The following ANKRD11 variants were observed in gnomAD, a reference collection of about 807,000 sequenced individuals.
The protein encoded by ANKRD11 is ankyrin repeat domain-containing protein 11.
A neutral mutation model predicts 195.7 loss-of-function variants in ANKRD11; 17 were observed. That is an observed-to-expected ratio of 0.09 (90% confidence interval 0.06 to 0.13). ANKRD11 has a LOEUF of 0.13. Among genes scored for constraint, ANKRD11 ranks in the 10% least tolerant of loss-of-function variants. The probability of loss-of-function intolerance (pLI) is 1.00; values close to 1 mark genes in which losing one functional copy is unlikely to be tolerated. For missense variants in ANKRD11, 3,735 were observed against 3,566.1 expected (o/e 1.05, Z -1.21); for synonymous variants, 1,953 against 1,528.1 (o/e 1.28, Z -6.49).
rs1012522032 is a variant in ANKRD11, at chr16:89,445,080, G to T, written c.-144-26712C>A. 7.2e-5 allele frequency among the ~76,000 whole-genome samples: 11 copies of T among 152,336 alleles called. No individual in the cohort carries two copies. The East Asian group carries it at 2.1e-3, about 29-fold the overall frequency. On this transcript the variant is annotated intron_variant, in intron 1 of 12. Transcript: ENST00000301030. ...ATCCAGGTGTGCTGGCCCCTTGGGT[G>T]AGGGTGCCCAGGCACTCACCAACTG...
chr16:89,452,631 G>A (rs1039589234), intron 1 of ANKRD11, among the ~76,000 whole-genome samples: 3 of 151,866 alleles, frequency 2.0e-5, no homozygotes, highest in Non-Finnish European at 4.4e-5. Flanking sequence ...ACAAAAATTA[G>A]CCGAGTGTGG....
intron 9 of ANKRD11, among the ~76,000 whole-genome samples, chr16:89,276,356 C>A (rs2033649823): frequency 6.6e-6 from 1 of 152,194 alleles, no homozygotes; most frequent in Non-Finnish European, 1.5e-5. Context: ...GGACAATGGG[C>A]TGAGAGAAAC....
chr16:89,450,591 T>C (rs1457362918), intron 1 of ANKRD11, among the ~76,000 whole-genome samples: 2 of 152,196 alleles, frequency 1.3e-5, no homozygotes, highest in East Asian at 3.8e-4. Context: ...GCCTTTCTTG[T>C]GATTATCATT....
chr16:89,279,843 C>A lies in ANKRD11; in HGVS notation c.6699G>T (p.Gly2233=). 4 of 1,549,500 alleles carry A rather than the reference C, an allele frequency of 2.6e-6. No homozygotes were observed. The highest frequency in any genetic ancestry group is 3.5e-6 in the Non-Finnish European group (4 of 1,148,986). Residue 2233 remains glycine (G), a synonymous_variant, in exon 9 of 13, where the codon GGG becomes GGT. Coordinates refer to ENST00000301030, the MANE Select transcript of ANKRD11 (RefSeq NM_013275.6). This position sits in a 1 kb window ranked among gnomAD's most constrained non-coding sequence, Gnocchi z 5.6. ...CGGGCTCCACGCTGGAGTCCGGATCCCCACGGGCCCTCTCTTCCGGCACCG... is the reference window on the plus strand; with the variant it reads ...CGGGCTCCACGCTGGAGTCCGGATCACCACGGGCCCTCTCTTCCGGCACCG... ...AETVPEERAR[G]DPDSSVEPAP...
At chr16:89,301,879 G>A (rs1034979633) in intron 4 of ANKRD11, among the ~76,000 whole-genome samples, 2 of 152,176 alleles carry the variant, frequency 1.3e-5, no homozygotes, top group Non-Finnish European at 2.9e-5. Context: ...TCTGGGAGGC[G>A]GGAAGCCATC....
intron 2 of ANKRD11, among the ~76,000 whole-genome samples, chr16:89,385,884 C>T (rs1001581696): frequency 4.6e-5 from 7 of 152,242 alleles, no homozygotes; most frequent in Admixed American, 2.6e-4. Context: ...TGACCGTTCC[C>T]TCCGTAGGCA....
intron 1 of ANKRD11, among the ~76,000 whole-genome samples, chr16:89,439,306 A>C (rs1340249634): frequency 6.6e-6 from 1 of 152,238 alleles, no homozygotes; most frequent in Non-Finnish European, 1.5e-5. Context: ...TGAATATGTA[A>C]AAATTTAAAA....
At position 89,275,003 on chromosome 16, in the gene ANKRD11, C is replaced by T. The variant is rs369656239; in HGVS notation, c.7570-46G>A. 3 of 1,612,374 alleles carry T rather than the reference C, an allele frequency of 1.9e-6. No individual in the cohort carries two copies. In the African/African-American group the frequency reaches 4.0e-5, roughly 22 times the overall value. On this transcript the variant is annotated intron_variant, in intron 10 of 12. Transcript: ENST00000301030. ...AGTGAGCTGGGACACAGCCACGCTC[C>T]AGGCCCCACTGTCAACACGACAGCC... is the stretch of plus-strand genomic sequence containing the variant.
At position 89,279,746 on chromosome 16, in the gene ANKRD11, C is replaced by A; in HGVS notation, c.6796G>T (p.Ala2266Ser). The change falls in exon 9 of 13, where the codon GCG becomes TCG. Residue 2266 changes from alanine (A) to serine (S), a missense_variant. Transcript: ENST00000301030. This position sits in a 1 kb window ranked among gnomAD's most constrained non-coding sequence, Gnocchi z 5.6. ...GGGCCGTCAGGGGCACAGAGGGACG[C>A]GGCGGGGGGGCCTTCAGCCTCAGCC... ...QGAEAEGPPAASLCAPDGPAP... is the reference protein window; with the variant it reads ...QGAEAEGPPASSLCAPDGPAP... The A allele has an allele frequency of 6.6e-7, 1 of 1,525,710 alleles. No individual in the cohort carries two copies. The allele number at this position is 1,525,710 out of a possible 1,614,324, so 94.5% of individuals were successfully genotyped here. A position where few individuals can be genotyped will look rare whatever the true frequency, so the allele number is the denominator to read the frequency against.
Position 89,284,875 on chromosome 16 carries a change from GAAGAAATGGTTTTCC to G in ANKRD11, c.1652_1666del (p.Trp551_Ser555del), listed in dbSNP as rs780150752. On this transcript the variant is annotated inframe_deletion, in exon 9 of 13. Transcript: ENST00000301030. ...AGAACTGACCTCTGACCAAGCCGGGGAAGAAATGGTTTTCCAATTGTCTGTCCGCCAGTGCTTGGT... is the reference window on the plus strand; with the variant it reads ...AGAACTGACCTCTGACCAAGCCGGGGAATTGTCTGTCCGCCAGTGCTTGGT... 248 of 1,614,034 alleles carry G rather than the reference GAAGAAATGGTTTTCC, an allele frequency of 1.5e-4. No individual in the cohort carries two copies. Among genetic ancestry groups the G allele is most frequent in the Middle Eastern group, 5.0e-4 (3 of 6,036 alleles).
intron 7 of ANKRD11, chr16:89,287,966 C>CA: frequency 8.5e-6 from 4 of 469,676 alleles, no homozygotes; most frequent in South Asian, 1.0e-4. Context: ...CCCGCCGCAT[C>CA]TCCAGGCAGC....
At chr16:89,441,244 A>G (rs928532551) in intron 1 of ANKRD11, among the ~76,000 whole-genome samples, 1 of 152,000 alleles carries the variant, frequency 6.6e-6, no homozygotes, top group Non-Finnish European at 1.5e-5. Flanking sequence ...TCAAAAAAAA[A>G]AAAGTTTCCT....
chr16:89,444,433 C>T (rs1471801499), intron 1 of ANKRD11, among the ~76,000 whole-genome samples: 2 of 150,644 alleles, frequency 1.3e-5, no homozygotes, highest in South Asian at 2.1e-4. Context: ...AAAGCACTAA[C>T]GGCCTACTTT....
At chr16:89,393,912 G>A (rs1454763810) in intron 2 of ANKRD11, among the ~76,000 whole-genome samples, 1 of 152,190 alleles carries the variant, frequency 6.6e-6, no homozygotes, top group East Asian at 1.9e-4. Context: ...AAAAAGTCAC[G>A]AAGAAAGTGC....
chr16:89,426,860 A>G (rs2042738525), intron 1 of ANKRD11, among the ~76,000 whole-genome samples: 1 of 152,242 alleles, frequency 6.6e-6, no homozygotes, highest in Admixed American at 6.5e-5. Flanking sequence ...CTCCTACTCA[A>G]CAATCGCTTA....
At chr16:89,415,401 A>T (rs957991592) in intron 2 of ANKRD11, among the ~76,000 whole-genome samples, 1 of 148,650 alleles carries the variant, frequency 6.7e-6, no homozygotes, top group Non-Finnish European at 1.5e-5. Context: ...AGTAGCTGGG[A>T]CTACAGGCGC....
At chr16:89,277,028 C>T (rs1295043582) in intron 9 of ANKRD11, among the ~76,000 whole-genome samples, 1 of 149,900 alleles carries the variant, frequency 6.7e-6, no homozygotes, top group Non-Finnish European at 1.5e-5. Context: ...TGCACTCCAG[C>T]CTGGGTGACA....
chr16:89,352,377 C>A (rs1277284296), intron 2 of ANKRD11, among the ~76,000 whole-genome samples: 1 of 151,476 alleles, frequency 6.6e-6, no homozygotes, highest in African/African-American at 2.4e-5. Flanking sequence ...CAAGGCAGCC[C>A]CCCAAGAAAA....
At chr16:89,441,512 A>C (rs866060113) in intron 1 of ANKRD11, among the ~76,000 whole-genome samples, 2 of 152,144 alleles carry the variant, frequency 1.3e-5, no homozygotes, top group Admixed American at 6.5e-5. Context: ...TCACGCCTGT[A>C]ATCCCAGCAC....
Sources: allele counts gnomAD v4.1 joint callset (sites outside exome capture counted in the v4.1 genomes callset), GRCh38; gene constraint gnomAD v4.1.1; non-coding constraint Gnocchi (gnomAD v3.1); transcripts MANE v1.5; gene names NCBI Gene and HGNC (gene_info 2026-07-23, HGNC 2026-07-21).